SPHKAP: variants seen among roughly 807,000 people sequenced by gnomAD.
The protein encoded by SPHKAP is SPHK1 interactor, AKAP domain containing.
A neutral mutation model predicts 137.5 loss-of-function variants in SPHKAP; 67 were observed. The observed-to-expected ratio is 0.49, with a 90% confidence interval of 0.40 to 0.60. The LOEUF is 0.60. Ranked by LOEUF, SPHKAP falls within the 20% of genes least tolerant of loss-of-function variation. The pLI, the probability that SPHKAP is intolerant of heterozygous loss-of-function variation, is 0.00. For missense variants in SPHKAP, 2,097 were observed against 2,069.3 expected, an observed-to-expected ratio of 1.01 and a Z score of -0.26; for synonymous variants, 813 against 785.3, an observed-to-expected ratio of 1.04 and a Z score of -0.59.
intron 1 of SPHKAP, among the ~76,000 whole-genome samples, chr2:228,174,605 C>T (rs1310233481): frequency 3.3e-5 from 5 of 152,108 alleles, no homozygotes; most frequent in Non-Finnish European, 5.9e-5. Context: ...TTCCAGTTTC[C>T]ATTTGGAGAT....
intron 3 of SPHKAP, among the ~76,000 whole-genome samples, chr2:228,045,522 C>G (rs1046264222): frequency 1.3e-5 from 2 of 151,810 alleles, no homozygotes; most frequent in Non-Finnish European, 2.9e-5. Flanking sequence ...ACCACATGTT[C>G]TCACTCATAG....
chr2:227,986,084 G>T (rs1410338446), intron 11 of SPHKAP, among the ~76,000 whole-genome samples: 17 of 152,102 alleles, frequency 1.1e-4, no homozygotes, highest in Non-Finnish European at 2.9e-5. Flanking sequence ...ACCTCCCCAC[G>T]TGACTCTAAC....
chr2:228,053,472 A>C (rs1047618154), intron 3 of SPHKAP, among the ~76,000 whole-genome samples: 7 of 152,208 alleles, frequency 4.6e-5, no homozygotes, highest in Non-Finnish European at 1.0e-4. Flanking sequence ...CATGTGTGTT[A>C]AAATCTGGCT....
rs745400252 is a variant in SPHKAP, at chr2:228,016,411, G to A, written c.4443C>T (p.Ile1481=). Reference sequence around the variant, plus strand: ...GTCTGAGACGATTCACTCACCTATGGATTTGACAAGCGCTCACGGCTGTGT... The same window carrying A: ...GTCTGAGACGATTCACTCACCTATGAATTTGACAAGCGCTCACGGCTGTGT... The part of the protein sequence containing the change: ...GGDTAVSACQ[I]HSDSLDTRDV... The change falls in exon 7 of 12, where the codon ATC becomes ATT. Residue 1481 remains isoleucine (I), a synonymous_variant. Transcript: ENST00000392056. 8 of 1,588,048 alleles carry A rather than the reference G, an allele frequency of 5.0e-6. No individual in the cohort carries two copies. The African/African-American group carries it at 8.2e-5, about 16-fold the overall frequency.
intron 3 of SPHKAP, among the ~76,000 whole-genome samples, chr2:228,090,256 C>T (rs1697681692): frequency 6.6e-6 from 1 of 152,232 alleles, no homozygotes; most frequent in South Asian, 2.1e-4. Context: ...GACTTAATGC[C>T]TGCCTTGCTG....
intron 7 of SPHKAP, among the ~76,000 whole-genome samples, chr2:228,000,910 AGGATTGCTG>A (rs1207821693): frequency 6.6e-6 from 1 of 152,174 alleles, no homozygotes; most frequent in African/African-American, 2.4e-5. Flanking sequence ...ACCAAGGAAC[AGGATTGCTG>A]GGTCGTATGG....
chr2:228,181,100 T>C lies in SPHKAP; in HGVS notation c.32+467A>G, dbSNP rs1700895246. 1.3e-5 allele frequency among the ~76,000 whole-genome samples: 2 copies of C among 151,972 alleles called. No homozygotes were observed. Among genetic ancestry groups the C allele is most frequent in the Non-Finnish European group, 2.9e-5 (2 of 67,970 alleles). On this transcript the variant is annotated intron_variant, in intron 1 of 11. Transcript: ENST00000392056. This position sits in a 1 kb window ranked among gnomAD's most constrained non-coding sequence, Gnocchi z 4.3. Reference sequence around the variant, plus strand: ...TGTCGGTCGGGGGTGAGGGACAATCTTCCCCACCCCAGCAGCCCCAGACAC... The same window carrying C: ...TGTCGGTCGGGGGTGAGGGACAATCCTCCCCACCCCAGCAGCCCCAGACAC...
intron 7 of SPHKAP, among the ~76,000 whole-genome samples, chr2:228,001,831 T>G (rs1039057117): frequency 1.3e-5 from 2 of 152,032 alleles, no homozygotes; most frequent in Non-Finnish European, 2.9e-5. Context: ...TTGGTTTTTT[T>G]TCCTTGCAAT....
intron 3 of SPHKAP, among the ~76,000 whole-genome samples, chr2:228,082,622 A>G (rs1697398713): frequency 6.6e-6 from 1 of 152,174 alleles, no homozygotes. Context: ...TTCAGTCACC[A>G]CGAAGTCACA....
intron 3 of SPHKAP, among the ~76,000 whole-genome samples, chr2:228,052,155 T>TA: frequency 6.7e-6 from 1 of 149,434 alleles, no homozygotes; most frequent in African/African-American, 2.5e-5. Context: ...TATTGGAAGA[T>TA]AAAGTCAAGG....
At chr2:228,101,430 T>G (rs771467017) in intron 3 of SPHKAP, among the ~76,000 whole-genome samples, 3 of 152,238 alleles carry the variant, frequency 2.0e-5, no homozygotes, top group Non-Finnish European at 2.9e-5. Context: ...TTATGAAGGA[T>G]GCATGAGTCT....
intron 3 of SPHKAP, among the ~76,000 whole-genome samples, chr2:228,108,512 G>T (rs1559177515): frequency 6.6e-6 from 1 of 152,030 alleles, no homozygotes; most frequent in Non-Finnish European, 1.5e-5. Context: ...ATACTGAAAA[G>T]AATACAAGAG....
intron 4 of SPHKAP, among the ~76,000 whole-genome samples, chr2:228,026,477 G>A (rs1695037894): frequency 6.6e-6 from 1 of 152,072 alleles, no homozygotes. Flanking sequence ...CTCAGGACCA[G>A]GCCCAGTAAC....
intron 1 of SPHKAP, among the ~76,000 whole-genome samples, chr2:228,135,032 T>C (rs1231630275): frequency 2.6e-5 from 4 of 152,072 alleles, no homozygotes; most frequent in African/African-American, 9.7e-5. Context: ...CCCAGCACTT[T>C]GGGAGGCTGA....
rs1693387212 is a variant in SPHKAP at position 227,990,883 on chromosome 2, C to G, written c.4959+117G>C. The G allele has an allele frequency of 2.9e-6, 3 of 1,040,140 alleles. No homozygotes were observed. In the African/African-American group the frequency reaches 4.8e-5, roughly 17 times the overall value. The allele number at this position is 1,040,140 out of a possible 1,614,324, so 64.4% of individuals were successfully genotyped here. ...AATGTTCTAGCCGCAATTTTAAGAT[C>G]AAGAACAGTCAGGATCAAATAATTC... is the stretch of plus-strand genomic sequence containing the variant. On this transcript the variant is annotated intron_variant, in intron 11 of 11. Transcript: ENST00000392056.
intron 1 of SPHKAP, among the ~76,000 whole-genome samples, chr2:228,179,809 T>C (rs1419598431): frequency 6.6e-6 from 1 of 152,220 alleles, no homozygotes; most frequent in Non-Finnish European, 1.5e-5. Context: ...CACAATGTGT[T>C]TCTAGTAATT....
chr2:228,012,209 C>G (rs1200339789), intron 7 of SPHKAP, among the ~76,000 whole-genome samples: 1 of 145,206 alleles, frequency 6.9e-6, no homozygotes, highest in African/African-American at 2.6e-5. Flanking sequence ...AAGAAATATA[C>G]AATGCATTGT....
intron 3 of SPHKAP, among the ~76,000 whole-genome samples, chr2:228,092,220 CAT>C (rs1350312101): frequency 2.1e-5 from 3 of 144,838 alleles, no homozygotes; most frequent in East Asian, 4.1e-4. Flanking sequence ...TATATACACA[CAT>C]ATATACACAC....
intron 1 of SPHKAP, among the ~76,000 whole-genome samples, chr2:228,172,189 A>C (rs1411467829): frequency 2.6e-5 from 4 of 152,192 alleles, no homozygotes; most frequent in Non-Finnish European, 5.9e-5. Context: ...ATAATGTAGC[A>C]CCGTATTTGC....
Sources: gnomAD v4.1 joint callset for allele counts (sites outside exome capture counted in the v4.1 genomes callset) on GRCh38, gnomAD v4.1.1 for gene constraint, Gnocchi (gnomAD v3.1) non-coding constraint, MANE v1.5 for transcripts, NCBI Gene and HGNC (gene_info 2026-07-23, HGNC 2026-07-21) for gene names.